The following DOCK3 variants were observed in gnomAD, a reference collection of about 807,000 sequenced individuals.
DOCK3 encodes the protein dedicator of cytokinesis protein 3.
A neutral mutation model predicts 265.6 loss-of-function variants in DOCK3; 60 were observed. That is an observed-to-expected ratio of 0.23 (90% CI 0.18 to 0.28). The LOEUF (loss-of-function observed/expected upper bound fraction) is 0.28. Among genes scored for constraint, DOCK3 ranks in the 10% least tolerant of loss-of-function variants. The probability of loss-of-function intolerance (pLI) is 1.00; values close to 1 mark genes in which losing one functional copy is unlikely to be tolerated. For synonymous variants in DOCK3, 881 were observed against 938.0 expected (o/e 0.94, Z 1.11); for missense variants, 1,981 against 2,594.3 (o/e 0.76, Z 5.14).
intron 27 of DOCK3, among the ~76,000 whole-genome samples, chr3:51,300,425 T>C (rs2082309287): frequency 6.6e-6 from 1 of 152,228 alleles, no homozygotes; most frequent in Non-Finnish European, 1.5e-5. Flanking sequence ...TGGCCAGAAC[T>C]TCCAGTACTA....
At chr3:50,706,370 A>G (rs1478048910) in intron 1 of DOCK3, among the ~76,000 whole-genome samples, 1 of 152,138 alleles carries the variant, frequency 6.6e-6, no homozygotes, top group African/African-American at 2.4e-5. Context: ...TGAATATAGT[A>G]TTGTTGCCTA....
intron 1 of DOCK3, among the ~76,000 whole-genome samples, chr3:50,707,227 GGCTCATGCCACCAGCCTGGCCAA>G (rs2036467565): frequency 6.6e-6 from 1 of 151,724 alleles, no homozygotes; most frequent in African/African-American, 2.4e-5. Flanking sequence ...CAGGCATGGT[GGCTCATGCCACCAGCCTGGCCAA>G]CACGGTAAAA....
chr3:51,250,113 G>C (rs1452291499), intron 22 of DOCK3, among the ~76,000 whole-genome samples: 1 of 151,740 alleles, frequency 6.6e-6, no homozygotes, highest in African/African-American at 2.4e-5. Flanking sequence ...CTAATCTCAA[G>C]TACCCAGGGA....
intron 1 of DOCK3, among the ~76,000 whole-genome samples, chr3:50,768,246 C>T (rs1409423258): frequency 6.6e-6 from 1 of 152,106 alleles, no homozygotes; most frequent in Non-Finnish European, 1.5e-5. Flanking sequence ...ATGATATTGG[C>T]TGTGGGTTTG....
chr3:50,689,272 G>C (rs1559515040), intron 1 of DOCK3, among the ~76,000 whole-genome samples: 2 of 152,194 alleles, frequency 1.3e-5, no homozygotes. Flanking sequence ...TGTACTCACG[G>C]TGCTAATAAA....
chr3:51,125,864 G>A (rs2084244885), intron 9 of DOCK3, among the ~76,000 whole-genome samples: 1 of 152,170 alleles, frequency 6.6e-6, no homozygotes, highest in African/African-American at 2.4e-5. Context: ...ACCAGTATAG[G>A]TAATGAGGGA....
chr3:51,167,054 CTTT>C (rs1423863003), intron 12 of DOCK3, among the ~76,000 whole-genome samples: 3 of 152,110 alleles, frequency 2.0e-5, no homozygotes, highest in Non-Finnish European at 4.4e-5. Flanking sequence ...TGTCAAGGAG[CTTT>C]TATTTCTGTT....
intron 41 of DOCK3, 128 bp downstream of exon 41, chr3:51,355,151 T>A (rs2086277146): frequency 7.6e-7 from 1 of 1,307,652 alleles, no homozygotes; most frequent in African/African-American, 1.5e-5. Flanking sequence ...TAAACCTGAG[T>A]GTGTCCTCAT....
intron 3 of DOCK3, among the ~76,000 whole-genome samples, chr3:50,886,187 G>GATATATAT (rs141280910): frequency 4.0e-4 from 53 of 132,798 alleles, no homozygotes; most frequent in East Asian, 2.4e-3. Context: ...TTATTTTGGA[G>GATATATAT]ATATATATAT....
intron 36 of DOCK3, 55 bp downstream of exon 36, chr3:51,338,474 G>A: frequency 1.3e-6 from 2 of 1,543,316 alleles, no homozygotes; most frequent in Non-Finnish European, 1.8e-6. Context: ...TTTCTGTCCT[G>A]CACTGTGATT....
chr3:50,769,554 T>TA (rs1336043985), intron 1 of DOCK3, among the ~76,000 whole-genome samples: 1 of 152,118 alleles, frequency 6.6e-6, no homozygotes, highest in Non-Finnish European at 1.5e-5. Flanking sequence ...TTCACACCTG[T>TA]AATCCTAGCA....
At chr3:51,063,130 C>T (rs1028405021) in intron 5 of DOCK3, among the ~76,000 whole-genome samples, 12 of 152,200 alleles carry the variant, frequency 7.9e-5, no homozygotes, top group African/African-American at 2.9e-4. Flanking sequence ...TGTCTCTAAT[C>T]CCAGCACTTT....
At position 51,312,848 on chromosome 3, in the gene DOCK3, G is replaced by A; in HGVS notation, c.3199G>A (p.Gly1067Arg). ...AKRKKILDKY[G>R]DMRVMMAYEL... Reference sequence around the variant, plus strand: ...CTCCTGTGTTACTATTCTTAGGTATGGGGACATGCGTGTAATGATGGCCTA... The same window carrying A: ...CTCCTGTGTTACTATTCTTAGGTATAGGGACATGCGTGTAATGATGGCCTA... The change falls in exon 31 of 53, where the codon GGG (glycine) becomes AGG (arginine). Residue 1067 changes from glycine (G) to arginine (R), a missense_variant. Physicochemically the swap from Gly to Arg is moderately radical, Grantham distance 125. Coordinates refer to ENST00000266037, the MANE Select transcript of DOCK3 (RefSeq NM_004947.5). 6.2e-7 allele frequency: 1 copy of A among 1,610,138 alleles called. No homozygotes were observed. The highest frequency in any genetic ancestry group is 8.5e-7 in the Non-Finnish European group (1 of 1,178,142).
At chr3:51,254,902 C>T (rs1193046536) in intron 22 of DOCK3, among the ~76,000 whole-genome samples, 2 of 152,162 alleles carry the variant, frequency 1.3e-5, no homozygotes, top group African/African-American at 2.4e-5. Flanking sequence ...GAATTTGATC[C>T]TGTCATTATG....
At chr3:50,806,473 C>T (rs1280078633) in intron 2 of DOCK3, among the ~76,000 whole-genome samples, 3 of 151,464 alleles carry the variant, frequency 2.0e-5, no homozygotes, top group Non-Finnish European at 2.9e-5. Context: ...CCACTGGCCC[C>T]AGGGAATATT....
At chr3:50,952,688 CAGT>C (rs1374466556) in intron 5 of DOCK3, among the ~76,000 whole-genome samples, 38 of 152,154 alleles carry the variant, frequency 2.5e-4, no homozygotes, top group Non-Finnish European at 4.9e-4. Flanking sequence ...GGCACAATAC[CAGT>C]TTAATTGTAT....
intron 24 of DOCK3, among the ~76,000 whole-genome samples, chr3:51,271,884 G>GC (rs2080519573): frequency 6.6e-6 from 1 of 150,672 alleles, no homozygotes; most frequent in Admixed American, 6.6e-5. Context: ...CCTGAAAGGG[G>GC]CCCTGAGGAC....
chr3:50,775,355 T>G lies in DOCK3; in HGVS notation c.38-3320T>G, dbSNP rs545897881. Among the ~76,000 whole-genome samples the G allele has an allele frequency of 3.3e-5, 5 of 152,204 alleles. No individual in the cohort carries two copies. The South Asian group carries it at 1.0e-3, about 32-fold the overall frequency. On this transcript the variant is annotated intron_variant, in intron 1 of 52. Transcript: ENST00000266037. ...CTGCCAGTTTTTGTAGATTTTGCCTTTCTGTAAATTCGTCTCCCATGGAAA... is the reference window on the plus strand; with the variant it reads ...CTGCCAGTTTTTGTAGATTTTGCCTGTCTGTAAATTCGTCTCCCATGGAAA...
Position 51,064,595 on chromosome 3 carries a change from G to C in DOCK3, c.463G>C (p.Glu155Gln), listed in dbSNP as rs1346859464. Residue 155 changes from glutamate (E) to glutamine (Q), a missense_variant and splice_region_variant, in exon 6 of 53, where the codon GAA (glutamate) becomes CAA (glutamine). By Grantham distance (29) the Glu-to-Gln change is conservative. Around this residue, in one of 4 missense-constraint regions of DOCK3, gnomAD observed 456 missense variants for 539.0 expected, o/e 0.85. Transcript: ENST00000266037. ...CACCGTGCGCCTGGACTGGGGTAAT[G>C]AGTAAGTATGAAAATTGTTTGGGTA... ...HITVRLDWGN[E>Q]HLGLDLVPRK... The C allele has an allele frequency of 6.2e-7, 1 of 1,613,078 alleles. No homozygotes were observed. Among genetic ancestry groups the C allele is most frequent in the Non-Finnish European group, 8.5e-7 (1 of 1,179,316 alleles).
Sources: gnomAD v4.1 joint callset for allele counts (sites outside exome capture counted in the v4.1 genomes callset) on GRCh38, gnomAD v4.1.1 for gene constraint, gnomAD v4.1.1 regional missense constraint, MANE v1.5 for transcripts, NCBI Gene and HGNC (gene_info 2026-07-23, HGNC 2026-07-21) for gene names.